MAGEL2: variants seen among roughly 807,000 people sequenced by gnomAD.
MAGEL2 encodes the protein MAGE-like protein 2.
For missense variants in MAGEL2, 1,830 were observed against 1,699.2 expected, an observed-to-expected ratio of 1.08 and a Z score of -1.35; for synonymous variants, 792 against 721.7, an observed-to-expected ratio of 1.10 and a Z score of -1.56.
Position 23,645,442 on chromosome 15 carries a change from T to C in MAGEL2, c.2301A>G (p.Ala767=), listed in dbSNP as rs1890374852. ...GGTTTTTCCAGGCAGCTGGCAGGTG[T>C]GCTCGCGCAGCTGACACTGCCTTGG... ...CAPKAVSAAR[A]HLPAAWKNLP... Residue 767 remains alanine (A), a synonymous_variant, in exon 1 of 1, where the codon GCA becomes GCG. Coordinates refer to ENST00000650528, the MANE Select transcript of MAGEL2 (RefSeq NM_019066.5). 6.2e-7 allele frequency: 1 copy of C among 1,613,768 alleles called. No homozygotes were observed. Among genetic ancestry groups the C allele is most frequent in the African/African-American group, 1.3e-5 (1 of 74,926 alleles).
chr15:23,646,935 G>T lies in MAGEL2; in HGVS notation c.808C>A (p.Gln270Lys). 1 of 1,537,066 alleles carries T rather than the reference G, an allele frequency of 6.5e-7. No individual in the cohort carries two copies. The change falls in exon 1 of 1, where the codon CAG becomes AAG. Residue 270 changes from glutamine to lysine, a missense_variant. Coordinates refer to ENST00000650528, the MANE Select transcript of MAGEL2 (RefSeq NM_019066.5). This position sits in a 1 kb window ranked among gnomAD's most constrained non-coding sequence, Gnocchi z 4.2. ...VQPPPAAMMT[Q>K]PQPSGAPMAK... ...ATCGGTGCTCCTGAAGGCTGAGGCT[G>T]GGTCATCATGGCTGCTGGAGGCGGC... is the stretch of plus-strand genomic sequence containing the variant.
chr15:23,646,959 G>T lies in MAGEL2; in HGVS notation c.784C>A (p.Pro262Thr), dbSNP rs370796103. 85 of 1,536,958 alleles carry T rather than the reference G, an allele frequency of 5.5e-5. No individual in the cohort carries two copies. The African/African-American group carries it at 9.6e-4, about 17-fold the overall frequency. ...TGGGTCATCATGGCTGCTGGAGGCG[G>T]CTGGACCATCGGTGCTCCCGGAGCA... ...PAAPGAPMVQPPPAAMMTQPQ... is the reference protein window; with the variant it reads ...PAAPGAPMVQTPPAAMMTQPQ... The change falls in exon 1 of 1, where the codon CCG (proline) becomes ACG (threonine). Residue 262 changes from proline to threonine, a missense_variant. Transcript: ENST00000650528. This position sits in a 1 kb window ranked among gnomAD's most constrained non-coding sequence, Gnocchi z 4.2.
chr15:23,646,865 C>T lies in MAGEL2; in HGVS notation c.878G>A (p.Gly293Asp), dbSNP rs1354880074. ...GPGVLMIHPP[G>D]ARAPMTQPPA... ...AGGCTGGGTCATCGGAGCTCTCGCACCTGGAGGATGAATCATCAGGACTCC... is the reference window on the plus strand; with the variant it reads ...AGGCTGGGTCATCGGAGCTCTCGCATCTGGAGGATGAATCATCAGGACTCC... Residue 293 changes from glycine (G) to aspartate (D), a missense_variant, in exon 1 of 1, where the codon GGT becomes GAT. Coordinates refer to ENST00000650528, the MANE Select transcript of MAGEL2 (RefSeq NM_019066.5). The surrounding 1 kb of genome is among the most constrained non-coding windows in gnomAD (Gnocchi z 4.2). 6.5e-7 allele frequency: 1 copy of T among 1,536,156 alleles called. No homozygotes were observed. Among genetic ancestry groups the T allele is most frequent in the Admixed American group, 2.0e-5 (1 of 50,944 alleles).
rs1890414372 is a variant in MAGEL2, at chr15:23,646,696, C to T, written c.1047G>A (p.Pro349=). 2.0e-6 allele frequency: 3 copies of T among 1,525,328 alleles called. No homozygotes were observed. The highest frequency in any genetic ancestry group is 2.6e-6 in the Non-Finnish European group (3 of 1,140,700). 94.5% of individuals were successfully genotyped at this position (1,525,328 alleles called of 1,614,324 possible). A position where few individuals can be genotyped will look rare whatever the true frequency, so the allele number is the denominator to read the frequency against. ...QIQSQVIRAP[P]QVPQGPQAPP... ...GTGCCTGCGGGCCCTGGGGAACCTG[C>T]GGAGGAGCCCTTATAACTTGAGACT... The change falls in exon 1 of 1, where the codon CCG becomes CCA. Residue 349 remains proline (P), a synonymous_variant. Coordinates refer to ENST00000650528, the MANE Select transcript of MAGEL2 (RefSeq NM_019066.5). This position sits in a 1 kb window ranked among gnomAD's most constrained non-coding sequence, Gnocchi z 4.2.
Position 23,645,560 on chromosome 15 carries a change from C to G in MAGEL2, c.2183G>C (p.Arg728Pro). The change falls in exon 1 of 1, where the codon CGC (arginine) becomes CCC (proline). Residue 728 changes from arginine (R) to proline (P), a missense_variant. Physicochemically the swap from Arg to Pro is moderately radical, Grantham distance 103 (BLOSUM62 -2). Transcript: ENST00000650528. The stretch of plus-strand genomic sequence containing the variant: ...CCTGCGCTCTTTAGAGGAGCCCCTG[C>G]GGTCTATAGAAGAGGCCCTGCATTC... ...SGECRASSIDRRGSSKERRTS... is the reference protein window; with the variant it reads ...SGECRASSIDPRGSSKERRTS... 6.2e-7 allele frequency: 1 copy of G among 1,612,584 alleles called. No individual in the cohort carries two copies. Among genetic ancestry groups the G allele is most frequent in the Non-Finnish European group, 8.5e-7 (1 of 1,179,240 alleles).
chr15:23,646,138 C>T lies in MAGEL2; in HGVS notation c.1605G>A (p.Gln535=). Residue 535 remains glutamine, a synonymous_variant, in exon 1 of 1, where the codon CAG becomes CAA. Transcript: ENST00000650528. This position sits in a 1 kb window ranked among gnomAD's most constrained non-coding sequence, Gnocchi z 4.2. ...TAGGCACCTGCGGCGCCGCCTGCAC[C>T]TGCGGGGCCGGCAGCCTAGCCTGCG... The part of the protein sequence containing the change: ...QAPQARLPAP[Q]VQAAPQVPTA... 7.4e-7 allele frequency: 1 copy of T among 1,349,936 alleles called. No individual in the cohort carries two copies. The highest frequency in any genetic ancestry group is 9.4e-7 in the Non-Finnish European group (1 of 1,059,400). 83.6% of individuals were successfully genotyped at this position (1,349,936 alleles called of 1,614,324 possible).
Position 23,646,974 on chromosome 15 carries a change from C to A in MAGEL2, c.769G>T (p.Ala257Ser). The A allele has an allele frequency of 1.3e-6, 2 of 1,536,808 alleles. No homozygotes were observed. Among genetic ancestry groups the A allele is most frequent in the East Asian group, 4.9e-5 (2 of 40,868 alleles). Residue 257 changes from alanine to serine, a missense_variant, in exon 1 of 1, where the codon GCA (alanine) becomes TCA (serine). Ala to Ser is a moderately conservative substitution (Grantham distance 99). Transcript: ENST00000650528. This position sits in a 1 kb window ranked among gnomAD's most constrained non-coding sequence, Gnocchi z 4.2. ...VLMVQPAAPG[A>S]PMVQPPPAAM... ...GCTGGAGGCGGCTGGACCATCGGTG[C>A]TCCCGGAGCAGCAGGCTGGACCATC... is the stretch of plus-strand genomic sequence containing the variant.
Position 23,644,996 on chromosome 15 carries a change from T to G in MAGEL2, c.2747A>C (p.Asn916Thr), listed in dbSNP as rs770724034. The change falls in exon 1 of 1, where the codon AAT (asparagine) becomes ACT (threonine). Residue 916 changes from asparagine to threonine, a missense_variant. Physicochemically the swap from Asn to Thr is moderately conservative, Grantham distance 65. Coordinates refer to ENST00000650528, the MANE Select transcript of MAGEL2 (RefSeq NM_019066.5). ...HDWQGPRPWE[N>T]LNLSDWEVQS... Reference sequence around the variant, plus strand: ...GACCTCCCAGTCACTCAGATTTAGATTCTCCCAGGGCCTTGGGCCCTGCCA... The same window carrying G: ...GACCTCCCAGTCACTCAGATTTAGAGTCTCCCAGGGCCTTGGGCCCTGCCA... 6.2e-7 allele frequency: 1 copy of G among 1,613,806 alleles called. No individual in the cohort carries two copies. Among genetic ancestry groups the G allele is most frequent in the Non-Finnish European group, 8.5e-7 (1 of 1,179,888 alleles).
Position 23,643,998 on chromosome 15 carries a change from G to A in MAGEL2, c.3745C>T (p.Arg1249Cys), listed in dbSNP as rs769676927. The A allele has an allele frequency of 4.5e-5, 71 of 1,592,432 alleles. No individual in the cohort carries two copies. Among genetic ancestry groups the A allele is most frequent in the East Asian group, 1.6e-4 (7 of 44,526 alleles). ...CGAGATCTCTGCTACACCTATTAGC[G>A]GGGAGGGGGCCTGCTGGTGGGGCCG... ...AHGPTSRPPP[R>C] The change falls in exon 1 of 1, where the codon CGC becomes TGC. Residue 1249 changes from arginine to cysteine, a missense_variant. Physicochemically the swap from Arg to Cys is radical, Grantham distance 180. Transcript: ENST00000650528.
In MAGEL2 at chr15:23,646,124, G is replaced by C. The variant is rs1274530270; in HGVS notation, c.1619C>G (p.Pro540Arg). Reference protein sequence around the residue: ...RLPAPQVQAAPQVPTAPPATQ... With the variant: ...RLPAPQVQAARQVPTAPPATQ... The stretch of plus-strand genomic sequence containing the variant: ...AGCAGGTGGGGCCGTAGGCACCTGC[G>C]GCGCCGCCTGCACCTGCGGGGCCGG... Residue 540 changes from proline to arginine, a missense_variant, in exon 1 of 1, where the codon CCG (proline) becomes CGG (arginine). By Grantham distance (103) the Pro-to-Arg change is moderately radical. Transcript: ENST00000650528. The surrounding 1 kb of genome is among the most constrained non-coding windows in gnomAD (Gnocchi z 4.2). The C allele has an allele frequency of 5.1e-6, 7 of 1,369,652 alleles. No individual in the cohort carries two copies. In the East Asian group the frequency reaches 1.5e-4, roughly 30 times the overall value. 84.8% of individuals were successfully genotyped at this position (1,369,652 alleles called of 1,614,324 possible). A position where few individuals can be genotyped will look rare whatever the true frequency, so the allele number is the denominator to read the frequency against.
Position 23,645,100 on chromosome 15 carries a change from G to A in MAGEL2, c.2643C>T (p.Arg881=). 1.2e-6 allele frequency: 2 copies of A among 1,613,880 alleles called. No homozygotes were observed. The highest frequency in any genetic ancestry group is 8.5e-7 in the Non-Finnish European group (1 of 1,179,906). The change falls in exon 1 of 1, where the codon CGC becomes CGT. Residue 881 remains arginine, a synonymous_variant. Coordinates refer to ENST00000650528, the MANE Select transcript of MAGEL2 (RefSeq NM_019066.5). The part of the protein sequence containing the change: ...ASKTSVEPPR[R]SGKATRKKKH... ...TCTTCTTCCGGGTGGCCTTGCCGGA[G>A]CGGCGTGGCGGCTCGACGGAGGTCT... is the stretch of plus-strand genomic sequence containing the variant.
rs1379544853 is a variant in MAGEL2, at chr15:23,646,942, C to G, written c.801G>C (p.Met267Ile). The change falls in exon 1 of 1, where the codon ATG (methionine) becomes ATC (isoleucine). Residue 267 changes from methionine to isoleucine, a missense_variant. By Grantham distance (10) the Met-to-Ile change is conservative. Coordinates refer to ENST00000650528, the MANE Select transcript of MAGEL2 (RefSeq NM_019066.5). The surrounding 1 kb of genome is among the most constrained non-coding windows in gnomAD (Gnocchi z 4.2). ...APMVQPPPAA[M>I]MTQPQPSGAP... ...CTCCTGAAGGCTGAGGCTGGGTCATCATGGCTGCTGGAGGCGGCTGGACCA... is the reference window on the plus strand; with the variant it reads ...CTCCTGAAGGCTGAGGCTGGGTCATGATGGCTGCTGGAGGCGGCTGGACCA... 5.2e-6 allele frequency: 8 copies of G among 1,536,848 alleles called. No homozygotes were observed. Among genetic ancestry groups the G allele is most frequent in the Non-Finnish European group, 3.5e-6 (4 of 1,146,884 alleles).
rs1243142756 is a variant in MAGEL2, at chr15:23,644,287, ATTTCCAAAGAGACCG to A, written c.3441_3455del (p.Gly1148_Asn1152del). 6 of 1,613,532 alleles carry A rather than the reference ATTTCCAAAGAGACCG, an allele frequency of 3.7e-6. No homozygotes were observed. In the Admixed American group the frequency reaches 5.0e-5, roughly 13 times the overall value. ...ACACTTCGGTGATGAGCTTCTTAGTATTTCCAAAGAGACCGTTTGTCTCCCGGACATCCAACCCTA... is the reference window on the plus strand; with the variant it reads ...ACACTTCGGTGATGAGCTTCTTAGTATTTGTCTCCCGGACATCCAACCCTA... On this transcript the variant is annotated inframe_deletion, in exon 1 of 1. Coordinates refer to ENST00000650528, the MANE Select transcript of MAGEL2 (RefSeq NM_019066.5).
In MAGEL2 at chr15:23,645,097, G is replaced by C. The variant is rs747679005; in HGVS notation, c.2646C>G (p.Ser882=). 2 of 1,613,770 alleles carry C rather than the reference G, an allele frequency of 1.2e-6. No individual in the cohort carries two copies. Among genetic ancestry groups the C allele is most frequent in the African/African-American group, 2.7e-5 (2 of 74,952 alleles). The stretch of plus-strand genomic sequence containing the variant: ...GCTTCTTCTTCCGGGTGGCCTTGCC[G>C]GAGCGGCGTGGCGGCTCGACGGAGG... ...SKTSVEPPRR[S]GKATRKKKHL... Residue 882 remains serine (S), a synonymous_variant, in exon 1 of 1, where the codon TCC becomes TCG. Coordinates refer to ENST00000650528, the MANE Select transcript of MAGEL2 (RefSeq NM_019066.5).
In MAGEL2 at chr15:23,646,325, C is replaced by T. The variant is rs770170386; in HGVS notation, c.1418G>A (p.Arg473His). Reference sequence around the variant, plus strand: ...CTGGCGGATCACAGGTGGGGCCTGGCGGATCACAGGTGGGGCCTGGCGGAT... The same window carrying T: ...CTGGCGGATCACAGGTGGGGCCTGGTGGATCACAGGTGGGGCCTGGCGGAT... ...AVIRQAPPVI[R>H]QAPPVIRQAP... Residue 473 changes from arginine to histidine, a missense_variant, in exon 1 of 1, where the codon CGC (arginine) becomes CAC (histidine). Physicochemically the swap from Arg to His is conservative, Grantham distance 29. Coordinates refer to ENST00000650528, the MANE Select transcript of MAGEL2 (RefSeq NM_019066.5). The surrounding 1 kb of genome is among the most constrained non-coding windows in gnomAD (Gnocchi z 4.2). The T allele has an allele frequency of 1.5e-6, 2 of 1,369,924 alleles. No homozygotes were observed. The highest frequency in any genetic ancestry group is 1.8e-5 in the South Asian group (1 of 56,278). 84.9% of individuals were successfully genotyped at this position (1,369,924 alleles called of 1,614,324 possible). A position where few individuals can be genotyped will look rare whatever the true frequency, so the allele number is the denominator to read the frequency against.
At position 23,645,024 on chromosome 15, in the gene MAGEL2, C is replaced by G; in HGVS notation, c.2719G>C (p.Asp907His). ...TCCCAGGGCCTTGGGCCCTGCCAGT[C>G]ATGAAAGGCTAGCGTGTGGCCACGG... ...DSRGHTLAFH[D>H]WQGPRPWENL... is the part of the protein sequence containing the mutation. The change falls in exon 1 of 1, where the codon GAC becomes CAC. Residue 907 changes from aspartate to histidine, a missense_variant. Asp to His is a moderately conservative substitution (Grantham distance 81, BLOSUM62 -1). Coordinates refer to ENST00000650528, the MANE Select transcript of MAGEL2 (RefSeq NM_019066.5). 1 of 1,613,958 alleles carries G rather than the reference C, an allele frequency of 6.2e-7. No individual in the cohort carries two copies.
Position 23,644,779 on chromosome 15 carries a change from A to G in MAGEL2, c.2964T>C (p.Ser988=), listed in dbSNP as rs555378546. The change falls in exon 1 of 1, where the codon TCT becomes TCC. Residue 988 remains serine, a synonymous_variant. Coordinates refer to ENST00000650528, the MANE Select transcript of MAGEL2 (RefSeq NM_019066.5). ...ALGLSESPGS[S]LPVVVSEVAS... is the part of the protein sequence containing the mutation. ...CGACCTCAGACACAACTACGGGCAG[A>G]GAGCTCCCTGGGCTTTCAGAGAGAC... 1.2e-6 allele frequency: 2 copies of G among 1,613,702 alleles called. No homozygotes were observed. The highest frequency in any genetic ancestry group is 2.2e-5 in the South Asian group (2 of 91,082).
In MAGEL2 at chr15:23,646,395, C is replaced by G. The variant is rs567714005; in HGVS notation, c.1348G>C (p.Val450Leu). The change falls in exon 1 of 1, where the codon GTG becomes CTG. Residue 450 changes from valine (V) to leucine (L), a missense_variant. By Grantham distance (32) the Val-to-Leu change is conservative (BLOSUM62 1). Coordinates refer to ENST00000650528, the MANE Select transcript of MAGEL2 (RefSeq NM_019066.5). This position sits in a 1 kb window ranked among gnomAD's most constrained non-coding sequence, Gnocchi z 4.2. ...ATCACGGGTGGGGCCTGGCGGATCA[C>G]GGGTGGGGCCTGGCGGATCACCGGT... The part of the protein sequence containing the change: ...APPVIRQAPP[V>L]IRQAPPVIRQ... 1.4e-6 allele frequency: 2 copies of G among 1,383,722 alleles called. No homozygotes were observed. The highest frequency in any genetic ancestry group is 9.2e-7 in the Non-Finnish European group (1 of 1,081,694). 85.7% of individuals were successfully genotyped at this position (1,383,722 alleles called of 1,614,324 possible).
Position 23,644,253 on chromosome 15 carries a change from G to A in MAGEL2, c.3490C>T (p.Gln1164Ter). Reference sequence around the variant, plus strand: ...ATTCGCCTGTACTCTAGGTACTTCTGCCTGACAAACACTTCGGTGATGAGC... The same window carrying A: ...ATTCGCCTGTACTCTAGGTACTTCTACCTGACAAACACTTCGGTGATGAGC... ...KKLITEVFVR[Q>*]KYLEYRRIPY... The change falls in exon 1 of 1, where the codon CAG becomes TAG. Residue 1164 changes from glutamine (Q) to a stop codon, truncating the protein, a stop_gained. Coordinates refer to ENST00000650528, the MANE Select transcript of MAGEL2 (RefSeq NM_019066.5). LOFTEE classifies it low-confidence loss of function (END_TRUNC). 6.2e-7 allele frequency: 1 copy of A among 1,613,770 alleles called. No homozygotes were observed. Among genetic ancestry groups the A allele is most frequent in the Non-Finnish European group, 8.5e-7 (1 of 1,179,874 alleles).
Sources: gnomAD v4.1 joint callset for allele counts on GRCh38, gnomAD v4.1.1 for gene constraint, Gnocchi (gnomAD v3.1) non-coding constraint, MANE v1.5 for transcripts, NCBI Gene and HGNC (gene_info 2026-07-23, HGNC 2026-07-21) for gene names.